ABCB1: variants seen among roughly 807,000 people sequenced by gnomAD.
The protein encoded by ABCB1 is ATP-dependent translocase ABCB1.
A neutral mutation model predicts 142.0 loss-of-function variants in ABCB1; 69 were observed. That is an observed-to-expected ratio of 0.49 (90% CI 0.40 to 0.59). The LOEUF (loss-of-function observed/expected upper bound fraction) is 0.59. Among genes scored for constraint, ABCB1 ranks in the 20% least tolerant of loss-of-function variants. ABCB1 has a pLI of 0.00. For synonymous variants in ABCB1, 532 were observed against 539.2 expected (o/e 0.99, Z 0.18); for missense variants, 1,326 against 1,554.7 (o/e 0.85, Z 2.47).
chr7:87,616,104 T>C (rs1356840613), intron 1 of ABCB1, among the ~76,000 whole-genome samples: 1 of 152,216 alleles, frequency 6.6e-6, no homozygotes, highest in Admixed American at 6.5e-5. Context: ...AGTAGTGGTA[T>C]AAAATAATAA....
chr7:87,665,436 A>G (rs971748858), intron 1 of ABCB1, among the ~76,000 whole-genome samples: 7 of 151,362 alleles, frequency 4.6e-5, no homozygotes, highest in Middle Eastern at 3.4e-3. Context: ...TAAATTGTAG[A>G]AGACACAAAT....
chr7:87,538,047 C>T (rs1460231743), intron 19 of ABCB1, among the ~76,000 whole-genome samples: 1 of 152,168 alleles, frequency 6.6e-6, no homozygotes. Flanking sequence ...AACACAGGGA[C>T]CATTCAGGTT....
At chr7:87,626,227 A>G (rs1411700788) in intron 1 of ABCB1, among the ~76,000 whole-genome samples, 2 of 100,606 alleles carry the variant, frequency 2.0e-5, no homozygotes, top group Admixed American at 1.0e-4. Context: ...TATATATGTC[A>G]TATATATGTG....
chr7:87,697,416 A>G (rs994574541), intron 1 of ABCB1, among the ~76,000 whole-genome samples: 3 of 152,206 alleles, frequency 2.0e-5, no homozygotes, highest in African/African-American at 7.2e-5. Flanking sequence ...TTTTGAAATT[A>G]TAGAATGATC....
At chr7:87,522,176 G>T in intron 21 of ABCB1, 1 of 1,448,380 alleles carries the variant, frequency 6.9e-7, no homozygotes, top group Non-Finnish European at 9.6e-7. Flanking sequence ...GGATATAGTG[G>T]CAGTGGGGAT....
At chr7:87,693,971 G>A (rs1828254898) in intron 1 of ABCB1, 2 of 1,611,304 alleles carry the variant, frequency 1.2e-6, no homozygotes, top group African/African-American at 1.3e-5. Context: ...ACTCTATGCT[G>A]GTGATGTCTC....
At chr7:87,535,156 T>C (rs2117141112) in intron 20 of ABCB1, among the ~76,000 whole-genome samples, 1 of 152,184 alleles carries the variant, frequency 6.6e-6, no homozygotes, top group South Asian at 2.1e-4. Flanking sequence ...CCTTCTATGC[T>C]TGCCCCCTTC....
At chr7:87,526,541 G>T (rs984638512) in intron 21 of ABCB1, among the ~76,000 whole-genome samples, 2 of 151,280 alleles carry the variant, frequency 1.3e-5, no homozygotes, top group African/African-American at 4.9e-5. Context: ...AAAAAAAAAA[G>T]ATTCTTATAA....
At chr7:87,702,649 T>G (rs10278483) in intron 1 of ABCB1, among the ~76,000 whole-genome samples, 2 of 152,112 alleles carry the variant, frequency 1.3e-5, no homozygotes, top group African/African-American at 4.8e-5. Flanking sequence ...TTGGTAGATA[T>G]AGCCTACATA....
At chr7:87,639,219 C>A (rs1465892868) in intron 1 of ABCB1, among the ~76,000 whole-genome samples, 2 of 150,240 alleles carry the variant, frequency 1.3e-5, no homozygotes, top group African/African-American at 4.9e-5. Context: ...TTTTAGTAAC[C>A]TTTTATTTGT....
chr7:87,505,920 C>T lies in ABCB1; in HGVS notation c.3613G>A (p.Ala1205Thr), dbSNP rs202030954. ...HILLLDEATSALDTESEKVVQ... is the reference protein window; with the variant it reads ...HILLLDEATSTLDTESEKVVQ... Reference sequence around the variant, plus strand: ...ACCTTTTCACTTTCTGTATCCAGAGCTGACGTGGCTTCATCCAAAAGCAAA... The same window carrying T: ...ACCTTTTCACTTTCTGTATCCAGAGTTGACGTGGCTTCATCCAAAAGCAAA... The change falls in exon 27 of 28, where the codon GCT (alanine) becomes ACT (threonine). Residue 1205 changes from alanine to threonine, a missense_variant. Transcript: ENST00000622132. The T allele has an allele frequency of 2.5e-6, 4 of 1,614,050 alleles. No individual in the cohort carries two copies. The highest frequency in any genetic ancestry group is 3.4e-6 in the Non-Finnish European group (4 of 1,180,044).
At position 87,505,797 on chromosome 7, in the gene ABCB1, CTG is replaced by C. The variant is rs1457577739; in HGVS notation, c.3636+98_3636+99del. On this transcript the variant is annotated intron_variant, in intron 27 of 27. Transcript: ENST00000622132. The stretch of plus-strand genomic sequence containing the variant: ...TTTTACTGAAAGGTGATGTAAGTAA[CTG>C]TCAATAATCTGGCTGCATTTTGTTC... The C allele has an allele frequency of 2.9e-6, 4 of 1,400,524 alleles. No homozygotes were observed. In the Admixed American group the frequency reaches 6.7e-5, roughly 24 times the overall value. 86.8% of individuals were successfully genotyped at this position (1,400,524 alleles called of 1,614,324 possible). A position where few individuals can be genotyped will look rare whatever the true frequency, so the allele number is the denominator to read the frequency against.
rs1165671365 is a variant in ABCB1, at chr7:87,504,159, C to G, written c.*84G>C. The G allele has an allele frequency of 6.5e-7, 1 of 1,544,274 alleles. No homozygotes were observed. The highest frequency in any genetic ancestry group is 2.3e-5 in the East Asian group (1 of 43,288). On this transcript the variant is annotated 3_prime_UTR_variant, in exon 28 of 28. Coordinates refer to ENST00000622132, the MANE Select transcript of ABCB1 (RefSeq NM_001348946.2). Reference sequence around the variant, plus strand: ...GTTAAACAGATACCTCTTCATAATTCTGTAAGTGTTTGCTTTTAACTTTGA... The same window carrying G: ...GTTAAACAGATACCTCTTCATAATTGTGTAAGTGTTTGCTTTTAACTTTGA...
At chr7:87,635,990 G>A (rs1256832093) in intron 1 of ABCB1, among the ~76,000 whole-genome samples, 1 of 152,012 alleles carries the variant, frequency 6.6e-6, no homozygotes, top group African/African-American at 2.4e-5. Flanking sequence ...TTTCCATTCT[G>A]TCACTGACTG....
intron 21 of ABCB1, among the ~76,000 whole-genome samples, chr7:87,524,878 G>T (rs1317790006): frequency 6.6e-6 from 1 of 152,064 alleles, no homozygotes; most frequent in Non-Finnish European, 1.5e-5. Flanking sequence ...CTGAAAAACA[G>T]ATTTTACTGT....
intron 7 of ABCB1, chr7:87,564,242 T>C (rs1203102540): frequency 2.6e-6 from 1 of 390,824 alleles, no homozygotes; most frequent in Non-Finnish European, 5.0e-6. Context: ...TTTAGCATGA[T>C]AGTATTGGTC....
chr7:87,535,517 C>T (rs1334474789), intron 20 of ABCB1, among the ~76,000 whole-genome samples: 7 of 135,888 alleles, frequency 5.2e-5, no homozygotes, highest in Non-Finnish European at 1.1e-4. Context: ...TGATCTAAAC[C>T]TTGTTTTTAT....
chr7:87,509,302 T>C lies in ABCB1; in HGVS notation c.3462A>G (p.Ile1154Met), dbSNP rs368427451. The C allele has an allele frequency of 6.2e-7, 1 of 1,614,198 alleles. No individual in the cohort carries two copies. Reference protein sequence around the residue: ...EIVRAAKEANIHAFIESLPNK... With the variant: ...EIVRAAKEANMHAFIESLPNK... ...TAGGCAGTGACTCGATGAAGGCATG[T>C]ATGTTGGCCTCCTTTGCTGCCCTCA... The change falls in exon 26 of 28, where the codon ATA becomes ATG. Residue 1154 changes from isoleucine (I) to methionine (M), a missense_variant. Physicochemically the swap from Ile to Met is conservative, Grantham distance 10. Transcript: ENST00000622132.
rs375659653 is a variant in ABCB1, at chr7:87,567,576, T to C, written c.339-600A>G. 2.6e-5 allele frequency among the ~76,000 whole-genome samples: 4 copies of C among 152,298 alleles called. No individual in the cohort carries two copies. In the East Asian group the frequency reaches 7.7e-4, roughly 29 times the overall value. On this transcript the variant is annotated intron_variant, in intron 5 of 27. Coordinates refer to ENST00000622132, the MANE Select transcript of ABCB1 (RefSeq NM_001348946.2). ...ATTATCCCTTGGGCTATTAATCTAG[T>C]AGAGTTTAGATGCCAAGAGACAAAT...
Sources: gnomAD v4.1 joint callset for allele counts (sites outside exome capture counted in the v4.1 genomes callset) on GRCh38, gnomAD v4.1.1 for gene constraint, MANE v1.5 for transcripts, NCBI Gene and HGNC (gene_info 2026-07-23, HGNC 2026-07-21) for gene names.